RAD51B: variants seen among roughly 807,000 people sequenced by gnomAD.
The protein encoded by RAD51B is RAD51 paralog B.
Under a neutral mutation model 42.2 loss-of-function variants are expected in RAD51B, and 38 were observed. That is an observed-to-expected ratio of 0.90 (90% CI 0.70 to 1.18). The LOEUF is 1.18. Ranked by LOEUF, RAD51B falls within the 50% of genes most tolerant of loss-of-function variation. The pLI is 0.00. For synonymous variants in RAD51B, 154 were observed against 145.2 expected (o/e 1.06, Z -0.43); for missense variants, 373 against 400.7 (o/e 0.93, Z 0.59).
intron 7 of RAD51B, among the ~76,000 whole-genome samples, chr14:67,921,615 AC>A (rs2044327714): frequency 6.7e-6 from 1 of 148,456 alleles, no homozygotes; most frequent in Non-Finnish European, 1.5e-5. Flanking sequence ...ACACACACAC[AC>A]ACACACATTT....
chr14:68,335,444 CTT>C lies in RAD51B; in HGVS notation c.853+43465_853+43466del, dbSNP rs543086401. Among the ~76,000 whole-genome samples, 187 of 152,252 alleles carry C rather than the reference CTT, an allele frequency of 1.2e-3. 1 individual carries two copies. The highest frequency in any genetic ancestry group is 4.3e-3 in the African/African-American group (179 of 41,552). On this transcript the variant is annotated intron_variant, in intron 8 of 10. Transcript: ENST00000471583. ...TAGTACAATCAGCATACTTTAGTCT[CTT>C]AGTAATTTTCTGATTTGCATCTTTG...
chr14:68,256,335 C>A (rs1424443929), intron 7 of RAD51B, among the ~76,000 whole-genome samples: 2 of 152,214 alleles, frequency 1.3e-5, no homozygotes, highest in African/African-American at 4.8e-5. Context: ...AAGGATCTCT[C>A]TTCATCCTTC....
intron 2 of RAD51B, among the ~76,000 whole-genome samples, 175 bp downstream of exon 2, chr14:67,823,802 C>T (rs1022443173): frequency 1.3e-5 from 2 of 152,130 alleles, no homozygotes; most frequent in African/African-American, 2.4e-5. Flanking sequence ...TTTCCAACTG[C>T]TATTTCATTT....
intron 8 of RAD51B, among the ~76,000 whole-genome samples, chr14:68,395,549 T>C (rs1479419716): frequency 6.6e-6 from 1 of 152,246 alleles, no homozygotes; most frequent in Non-Finnish European, 1.5e-5. Context: ...GAAATTTTTA[T>C]GCTCTCGAGG....
chr14:68,086,835 G>T (rs1006448182), intron 7 of RAD51B, among the ~76,000 whole-genome samples: 1 of 152,094 alleles, frequency 6.6e-6, no homozygotes, highest in African/African-American at 2.4e-5. Flanking sequence ...CAGAATGGCA[G>T]GCATTAAAAG....
chr14:68,416,171 A>G (rs2084552933), intron 9 of RAD51B, among the ~76,000 whole-genome samples: 1 of 152,216 alleles, frequency 6.6e-6, no homozygotes. Context: ...GCATCTTAGA[A>G]GTATTGCATC....
At chr14:68,466,599 T>G (rs560918090) in intron 9 of RAD51B, among the ~76,000 whole-genome samples, 1 of 152,338 alleles carries the variant, frequency 6.6e-6, no homozygotes, top group Admixed American at 6.5e-5. Context: ...CCCAGAGTGT[T>G]GTCCACACCC....
chr14:67,954,967 T>G (rs1444063301), intron 7 of RAD51B, among the ~76,000 whole-genome samples: 2 of 151,718 alleles, frequency 1.3e-5, no homozygotes, highest in African/African-American at 4.8e-5. Flanking sequence ...GGACAGGAGA[T>G]GGGTGGAGGT....
At position 68,331,310 on chromosome 14, in the gene RAD51B, A is replaced by G. The variant is rs56899370; in HGVS notation, c.853+39330A>G. On this transcript the variant is annotated intron_variant, in intron 8 of 10. Transcript: ENST00000471583. ...CAGGACCTGGGAGGCAGAGGTTGCAATGAGCCAAGATCATGCCACTGCACT... is the reference window on the plus strand; with the variant it reads ...CAGGACCTGGGAGGCAGAGGTTGCAGTGAGCCAAGATCATGCCACTGCACT... Among the ~76,000 whole-genome samples the G allele has an allele frequency of 8.1e-4, 116 of 143,224 alleles. 2 individuals are homozygous for G. In the East Asian group the frequency reaches 0.023, roughly 28 times the overall value. 94.0% of individuals were successfully genotyped at this position (143,224 alleles called of 152,430 possible).
At chr14:68,197,944 C>T (rs1464127564) in intron 7 of RAD51B, among the ~76,000 whole-genome samples, 2 of 151,506 alleles carry the variant, frequency 1.3e-5, no homozygotes, top group African/African-American at 4.9e-5. Context: ...GTCATTTTAC[C>T]TTCTTACTGG....
In RAD51B at chr14:67,890,236, G is replaced by A. The variant is rs569518617; in HGVS notation, c.756+3032G>A. 1.3e-3 allele frequency among the ~76,000 whole-genome samples: 203 copies of A among 152,176 alleles called. 4 individuals are homozygous for A. Among genetic ancestry groups the A allele is most frequent in the Non-Finnish European group, 1.8e-4 (12 of 68,006 alleles). ...AATAATAGGATGTTTTTGCCAGAAA[G>A]GACCTTAAAGAAAATTTAGTTTGGC... On this transcript the variant is annotated intron_variant, in intron 7 of 10. Coordinates refer to ENST00000471583, the MANE Select transcript of RAD51B (RefSeq NM_133510.4).
chr14:68,227,455 C>T (rs1269048502), intron 7 of RAD51B, among the ~76,000 whole-genome samples: 2 of 152,186 alleles, frequency 1.3e-5, no homozygotes, highest in African/African-American at 4.8e-5. Context: ...GGCAGTAATA[C>T]TGATATCCAC....
At chr14:68,138,162 T>C (rs1455506694) in intron 7 of RAD51B, among the ~76,000 whole-genome samples, 1 of 151,912 alleles carries the variant, frequency 6.6e-6, no homozygotes, top group Non-Finnish European at 1.5e-5. Flanking sequence ...TTTCCAGGGC[T>C]CAGGTTGTTA....
intron 10 of RAD51B, among the ~76,000 whole-genome samples, chr14:68,543,767 T>TTTGTATA (rs1479274400): frequency 6.6e-6 from 1 of 152,190 alleles, no homozygotes; most frequent in Admixed American, 6.5e-5. Flanking sequence ...TATAATGCTG[T>TTTGTATA]ATGGTTTTCA....
chr14:68,380,719 A>C (rs1037830890), intron 8 of RAD51B, among the ~76,000 whole-genome samples: 1 of 152,216 alleles, frequency 6.6e-6, no homozygotes, highest in African/African-American at 2.4e-5. Context: ...ATTTCAGTGA[A>C]GATGTAATCC....
chr14:67,993,178 A>G (rs931550031), intron 7 of RAD51B, among the ~76,000 whole-genome samples: 7 of 152,216 alleles, frequency 4.6e-5, no homozygotes, highest in African/African-American at 1.7e-4. Context: ...ACATCAGGGT[A>G]ATCATGCTTG....
chr14:68,145,153 C>T (rs953469835), intron 7 of RAD51B, among the ~76,000 whole-genome samples: 18 of 152,204 alleles, frequency 1.2e-4, no homozygotes, highest in African/African-American at 3.9e-4. Flanking sequence ...GCAGAAGGAA[C>T]ATGATTAGAC....
At chr14:68,412,457 C>T (rs1248189460) in intron 9 of RAD51B, among the ~76,000 whole-genome samples, 3 of 152,184 alleles carry the variant, frequency 2.0e-5, no homozygotes, top group African/African-American at 7.2e-5. Context: ...GAGAAAATGG[C>T]AGAAAAGCTG....
rs186178070 is a variant in RAD51B at position 67,997,718 on chromosome 14, C to T, written c.756+110514C>T. On this transcript the variant is annotated intron_variant, in intron 7 of 10. Coordinates refer to ENST00000471583, the MANE Select transcript of RAD51B (RefSeq NM_133510.4). Reference sequence around the variant, plus strand: ...TACTGTCCTGCCCTCTCAGCCTACCCATGGTACTGTATTTACATGTAAGTT... The same window carrying T: ...TACTGTCCTGCCCTCTCAGCCTACCTATGGTACTGTATTTACATGTAAGTT... Among the ~76,000 whole-genome samples, 36 of 152,280 alleles carry T rather than the reference C, an allele frequency of 2.4e-4. No homozygotes were observed. In the East Asian group the frequency reaches 6.0e-3, roughly 25 times the overall value.
Sources: allele counts gnomAD v4.1 joint callset (sites outside exome capture counted in the v4.1 genomes callset), GRCh38; gene constraint gnomAD v4.1.1; transcripts MANE v1.5; gene names NCBI Gene and HGNC (gene_info 2026-07-23, HGNC 2026-07-21).